The following DNTT variants were observed in gnomAD, a reference collection of about 807,000 sequenced individuals.
The protein encoded by DNTT is DNA nucleotidylexotransferase.
DNTT carries 47 observed loss-of-function variants against 60.9 expected under a neutral mutation model. The observed-to-expected ratio is 0.77, with a 90% CI of 0.61 to 0.98. The LOEUF is 0.98. DNTT is among the 50% of genes least tolerant of loss of function. DNTT has a pLI of 0.00. For synonymous variants in DNTT, 224 were observed against 221.2 expected (o/e 1.01, Z -0.11); for missense variants, 665 against 627.5 (o/e 1.06, Z -0.64).
Position 96,338,426 on chromosome 10 carries a change from T to C in DNTT, c.*202T>C, listed in dbSNP as rs1174331442. ...TTCTAATAGGCCATGTTTATGACTGTTGCATAGAATTCACAATGCATTTTT... is the reference window on the plus strand; with the variant it reads ...TTCTAATAGGCCATGTTTATGACTGCTGCATAGAATTCACAATGCATTTTT... On this transcript the variant is annotated 3_prime_UTR_variant, in exon 11 of 11. Transcript: ENST00000371174. The C allele has an allele frequency of 9.3e-6, 4 of 431,838 alleles. No individual in the cohort carries two copies. Among genetic ancestry groups the C allele is most frequent in the Non-Finnish European group, 1.6e-5 (4 of 243,568 alleles). The allele number at this position is 431,838 out of a possible 1,614,324, so 26.8% of individuals were successfully genotyped here.
In DNTT at chr10:96,335,949, A is replaced by G. The variant is rs759011605; in HGVS notation, c.1418A>G (p.Asn473Ser). The G allele has an allele frequency of 5.0e-6, 8 of 1,614,096 alleles. No individual in the cohort carries two copies. Among genetic ancestry groups the G allele is most frequent in the East Asian group, 2.2e-5 (1 of 44,900 alleles). Residue 473 changes from asparagine (N) to serine (S), a missense_variant, in exon 10 of 11, where the codon AAC becomes AGC. Asn to Ser is a conservative substitution (Grantham distance 46). Coordinates refer to ENST00000371174, the MANE Select transcript of DNTT (RefSeq NM_004088.4). The stretch of plus-strand genomic sequence containing the variant: ...CATGAGCGGAAGATGATTCTGGATA[A>G]CCATGCTTTATATGACAAGACCAAG... ...ATHERKMILD[N>S]HALYDKTKRI... is the part of the protein sequence containing the mutation.
chr10:96,306,660 G>A (rs1844642351), intron 1 of DNTT: 1 of 152,282 alleles, frequency 6.6e-6, no homozygotes, highest in Admixed American at 6.5e-5. Context: ...AGCTGAAGAG[G>A]CAGCTACATG....
chr10:96,304,466 G>A lies in DNTT; in HGVS notation c.-32G>A, dbSNP rs1472149915. On this transcript the variant is annotated 5_prime_UTR_variant, in exon 1 of 11. The change abolishes an upstream ATG in the 5' untranslated region. Transcript: ENST00000371174. Reference sequence around the variant, plus strand: ...CTCCCTTCTGGAGACACCACCAGATGGGCCAGCCAGAGGCAGCAGCAGCCT... The same window carrying A: ...CTCCCTTCTGGAGACACCACCAGATAGGCCAGCCAGAGGCAGCAGCAGCCT... 1.2e-6 allele frequency: 2 copies of A among 1,612,080 alleles called. No homozygotes were observed. Among genetic ancestry groups the A allele is most frequent in the Admixed American group, 1.7e-5 (1 of 60,008 alleles).
At chr10:96,333,913 T>C (rs993012633) in intron 9 of DNTT, among the ~76,000 whole-genome samples, 23 of 152,172 alleles carry the variant, frequency 1.5e-4, no homozygotes, top group African/African-American at 5.3e-4. Flanking sequence ...TATTGCACAG[T>C]ATGGTGACTA....
chr10:96,304,753 T>C, intron 1 of DNTT, 53 bp downstream of exon 1: 1 of 1,571,664 alleles, frequency 6.4e-7, no homozygotes, highest in Non-Finnish European at 8.6e-7. Context: ...TGTGAACAGC[T>C]TCTTGGGAAC....
chr10:96,318,646 C>A, intron 2 of DNTT, 120 bp downstream of exon 2: 2 of 1,224,768 alleles, frequency 1.6e-6, no homozygotes, highest in Non-Finnish European at 2.2e-6. Flanking sequence ...TGACCTTGGG[C>A]AAGTCACTTA....
chr10:96,310,920 G>A (rs1381776895), intron 1 of DNTT, among the ~76,000 whole-genome samples: 4 of 152,170 alleles, frequency 2.6e-5, no homozygotes, highest in Non-Finnish European at 5.9e-5. Context: ...TCAAGAGCAT[G>A]AGCATGAGAT....
At chr10:96,307,733 A>G (rs1240006692) in intron 1 of DNTT, among the ~76,000 whole-genome samples, 1 of 60,782 alleles carries the variant, frequency 1.6e-5, no homozygotes, top group Non-Finnish European at 4.4e-5. Context: ...ATATATATAT[A>G]AGCATATATA....
intron 9 of DNTT, 94 bp downstream of exon 9, chr10:96,332,690 G>A (rs1215584170): frequency 1.0e-5 from 16 of 1,543,270 alleles, no homozygotes; most frequent in Non-Finnish European, 1.4e-5. Flanking sequence ...CGGCAACAGG[G>A]GCTGGGTGAC....
At chr10:96,332,329 A>G in intron 8 of DNTT, 22 bp from the exon 9 acceptor site, 1 of 1,608,720 alleles carries the variant, frequency 6.2e-7, no homozygotes, top group East Asian at 2.2e-5. Flanking sequence ...CCTTTTCCTG[A>G]TGCCATTCTG....
chr10:96,328,843 A>G lies in DNTT; in HGVS notation c.1113+13A>G, dbSNP rs903291066. ...ATGGGAAAAGAAGGTGAGAAGAAAG[A>G]TGAAAAATACATGCACACGCAAACA... On this transcript the variant is annotated intron_variant, in intron 8 of 10. Transcript: ENST00000371174. 6.2e-7 allele frequency: 1 copy of G among 1,609,522 alleles called. No homozygotes were observed. Among genetic ancestry groups the G allele is most frequent in the Admixed American group, 1.7e-5 (1 of 59,250 alleles).
chr10:96,319,374 G>C lies in DNTT; in HGVS notation c.491G>C (p.Cys164Ser), dbSNP rs1193441144. 6.2e-7 allele frequency: 1 copy of C among 1,613,756 alleles called. No homozygotes were observed. The highest frequency in any genetic ancestry group is 1.1e-5 in the South Asian group (1 of 91,042). Residue 164 changes from cysteine to serine, a missense_variant, in exon 3 of 11, where the codon TGT becomes TCT. Coordinates refer to ENST00000371174, the MANE Select transcript of DNTT (RefSeq NM_004088.4). ...CAGAGAAGAACCACTTTAAACAACT[G>C]TAACCAGATATTCACGGTAACGGGA... ...ACQRRTTLNN[C>S]NQIFTDAFDI...
chr10:96,307,329 T>A lies in DNTT; in HGVS notation c.203+2629T>A, dbSNP rs539013076. 6.0e-5 allele frequency among the ~76,000 whole-genome samples: 9 copies of A among 150,772 alleles called. No homozygotes were observed. In the South Asian group the frequency reaches 1.9e-3, roughly 31 times the overall value. On this transcript the variant is annotated intron_variant, in intron 1 of 10. Coordinates refer to ENST00000371174, the MANE Select transcript of DNTT (RefSeq NM_004088.4). Reference sequence around the variant, plus strand: ...GGGAGAGATTATGGCTGTTTTTATTTTCTGGGTTTTCCAGTTTTTTTTTTT... The same window carrying A: ...GGGAGAGATTATGGCTGTTTTTATTATCTGGGTTTTCCAGTTTTTTTTTTT...
At chr10:96,318,206 A>G (rs982170480) in intron 1 of DNTT, 146 bp from the exon 2 acceptor site, 2 of 835,066 alleles carry the variant, frequency 2.4e-6, no homozygotes, top group South Asian at 2.0e-5. Context: ...ATTCCCTTGC[A>G]TGGAGGCCTA....
intron 3 of DNTT, among the ~76,000 whole-genome samples, chr10:96,319,676 C>A (rs116119050): frequency 0.013 from 2,026 of 152,254 alleles, 41 homozygotes; most frequent in African/African-American, 0.046. Flanking sequence ...TTGTCAAAAG[C>A]AAATATTCTG....
At chr10:96,327,919 C>G (rs922403538) in intron 7 of DNTT, among the ~76,000 whole-genome samples, 13 of 152,156 alleles carry the variant, frequency 8.5e-5, no homozygotes, top group African/African-American at 3.1e-4. Flanking sequence ...GAAAGCCTTC[C>G]TTGACTCCCT....
At chr10:96,319,166 C>A (rs1195125501) in intron 2 of DNTT, 96 bp from the exon 3 acceptor site, 2 of 1,374,934 alleles carry the variant, frequency 1.5e-6, no homozygotes, top group Non-Finnish European at 9.8e-7. Flanking sequence ...ATAATTTTAT[C>A]CTCCAACTAC....
chr10:96,324,329 A>T lies in DNTT; in HGVS notation c.814A>T (p.Arg272Ter), dbSNP rs762846543. Residue 272 changes from arginine to a stop codon, truncating the protein, a stop_gained, in exon 6 of 11, where the codon AGA becomes TGA. Transcript: ENST00000371174. LOFTEE classifies it high-confidence loss of function. ...TSEKWFRMGF[R>*]TLSKVRSDKS... The stretch of plus-strand genomic sequence containing the variant: ...TGAGAAGTGGTTCAGGATGGGTTTC[A>T]GAACTCTGAGTAAAGTAAGGTCGGA... The T allele has an allele frequency of 6.2e-7, 1 of 1,613,616 alleles. No individual in the cohort carries two copies. Among genetic ancestry groups the T allele is most frequent in the Non-Finnish European group, 8.5e-7 (1 of 1,179,666 alleles).
rs78467863 is a variant in DNTT, at chr10:96,329,406, C to T, written c.1113+576C>T. Among the ~76,000 whole-genome samples, 983 of 152,298 alleles carry T rather than the reference C, an allele frequency of 6.5e-3. 2 individuals carry two copies. The highest frequency in any genetic ancestry group is 0.011 in the Non-Finnish European group (764 of 68,032). On this transcript the variant is annotated intron_variant, in intron 8 of 10. Coordinates refer to ENST00000371174, the MANE Select transcript of DNTT (RefSeq NM_004088.4). ...GGAAACCAAAGTAAGCTAAGCTAAC[C>T]CTGCAGCCAGAGCCACATGCAAGCC...
Sources: allele counts gnomAD v4.1 joint callset (sites outside exome capture counted in the v4.1 genomes callset), GRCh38; gene constraint gnomAD v4.1.1; transcripts MANE v1.5; gene names NCBI Gene and HGNC (gene_info 2026-07-23, HGNC 2026-07-21).